The following LRRC4C variants were observed in gnomAD, a reference collection of about 807,000 sequenced individuals.
LRRC4C encodes leucine rich repeat containing 4C.
A neutral mutation model predicts 33.6 loss-of-function variants in LRRC4C; 5 were observed. The observed-to-expected ratio is 0.15, with a 90% CI of 0.08 to 0.31. LRRC4C has a LOEUF of 0.31. Among genes scored for constraint, LRRC4C ranks in the 10% least tolerant of loss-of-function variants. LRRC4C has a pLI of 1.00. For synonymous variants in LRRC4C, 329 were observed against 302.0 expected (o/e 1.09, Z -0.93); for missense variants, 560 against 796.7 (o/e 0.70, Z 3.58).
intron 2 of LRRC4C, among the ~76,000 whole-genome samples, chr11:40,756,334 T>A (rs1169876654): frequency 1.3e-5 from 2 of 152,150 alleles, no homozygotes; most frequent in South Asian, 4.1e-4. Flanking sequence ...CTTAAAGTAT[T>A]CTTTTACATA....
intron 1 of LRRC4C, among the ~76,000 whole-genome samples, chr11:41,226,741 T>TACATACACAC: frequency 7.3e-6 from 1 of 137,156 alleles, no homozygotes; most frequent in African/African-American, 2.8e-5. Context: ...TCCTTACCAT[T>TACATACACAC]ACACACACAC....
At chr11:41,072,617 G>A (rs747933675) in intron 1 of LRRC4C, among the ~76,000 whole-genome samples, 1 of 152,058 alleles carries the variant, frequency 6.6e-6, no homozygotes, top group Non-Finnish European at 1.5e-5. Context: ...AGCCTGTGGA[G>A]CTGTAAGTCA....
rs56712743 is a variant in LRRC4C, at chr11:40,312,539, C to T, written c.-176+7089G>A. Among the ~76,000 whole-genome samples the T allele has an allele frequency of 2.8e-3, 432 of 152,220 alleles. 3 individuals carry two copies. Among genetic ancestry groups the T allele is most frequent in the African/African-American group, 9.9e-3 (411 of 41,532 alleles). On this transcript the variant is annotated intron_variant, in intron 4 of 6. Transcript: ENST00000528697. Reference sequence around the variant, plus strand: ...TGATAAGTAGACTGGGTTAAGTAAACTCCTCCATGAATAGATGTCTTCAAG... The same window carrying T: ...TGATAAGTAGACTGGGTTAAGTAAATTCCTCCATGAATAGATGTCTTCAAG...
chr11:41,336,984 T>C (rs529101695), intron 1 of LRRC4C, among the ~76,000 whole-genome samples: 45 of 152,022 alleles, frequency 3.0e-4, no homozygotes, highest in African/African-American at 1.0e-3. Flanking sequence ...TGACTATTCA[T>C]AGCAGCAGAA....
intron 3 of LRRC4C, among the ~76,000 whole-genome samples, chr11:40,428,483 G>A (rs1428785324): frequency 6.6e-6 from 1 of 152,204 alleles, no homozygotes; most frequent in Non-Finnish European, 1.5e-5. Context: ...GTGATGGTAA[G>A]ATTTCCCATC....
At chr11:40,265,820 G>A (rs992212076) in intron 4 of LRRC4C, among the ~76,000 whole-genome samples, 2 of 152,116 alleles carry the variant, frequency 1.3e-5, no homozygotes, top group African/African-American at 2.4e-5. Flanking sequence ...CTCAATTCAC[G>A]GTGATTTGAG....
intron 3 of LRRC4C, among the ~76,000 whole-genome samples, chr11:40,367,896 T>C (rs918466874): frequency 6.6e-6 from 1 of 152,164 alleles, no homozygotes; most frequent in African/African-American, 2.4e-5. Context: ...TTTGCATATT[T>C]ATATATGTTC....
intron 1 of LRRC4C, among the ~76,000 whole-genome samples, chr11:41,205,525 G>A (rs949547719): frequency 2.0e-5 from 3 of 152,138 alleles, no homozygotes; most frequent in African/African-American, 7.2e-5. Flanking sequence ...ACCAGTGATT[G>A]TAGCTTCTAA....
At chr11:40,299,794 C>A (rs1047417661) in intron 4 of LRRC4C, among the ~76,000 whole-genome samples, 1 of 152,158 alleles carries the variant, frequency 6.6e-6, no homozygotes, top group Non-Finnish European at 1.5e-5. Context: ...ATGCTAATTA[C>A]AATCAATGGT....
intron 1 of LRRC4C, among the ~76,000 whole-genome samples, chr11:41,367,408 A>G (rs897101943): frequency 3.9e-5 from 6 of 152,152 alleles, no homozygotes; most frequent in African/African-American, 1.4e-4. Flanking sequence ...AGTAAGCTCT[A>G]TCTTTAATGG....
chr11:40,195,687 T>C (rs1470049497), intron 5 of LRRC4C, among the ~76,000 whole-genome samples: 1 of 151,728 alleles, frequency 6.6e-6, no homozygotes, highest in Admixed American at 6.6e-5. Context: ...AATTCTAATA[T>C]GTAAAGATTT....
At chr11:41,156,258 C>T (rs1944229038) in intron 1 of LRRC4C, among the ~76,000 whole-genome samples, 1 of 151,910 alleles carries the variant, frequency 6.6e-6, no homozygotes, top group Admixed American at 6.6e-5. Context: ...CAAGGCAAAC[C>T]CACGATATTG....
intron 1 of LRRC4C, among the ~76,000 whole-genome samples, chr11:41,150,583 A>G (rs1943945411): frequency 6.6e-6 from 1 of 152,100 alleles, no homozygotes; most frequent in Admixed American, 6.6e-5. Context: ...CGAGGTAAGG[A>G]GTTTGAGACC....
intron 2 of LRRC4C, among the ~76,000 whole-genome samples, chr11:40,902,879 G>A (rs1490262341): frequency 6.6e-6 from 1 of 152,076 alleles, no homozygotes; most frequent in Non-Finnish European, 1.5e-5. Context: ...AAAATAAGCT[G>A]TCTTTAAAAC....
intron 2 of LRRC4C, among the ~76,000 whole-genome samples, chr11:40,840,847 G>A: frequency 6.6e-6 from 1 of 152,124 alleles, no homozygotes; most frequent in Admixed American, 6.5e-5. Flanking sequence ...TAGTTACTTT[G>A]TTCAACATTA....
chr11:40,490,328 G>A lies in LRRC4C; in HGVS notation c.-270+157814C>T, dbSNP rs1195546442. 2.6e-5 allele frequency among the ~76,000 whole-genome samples: 4 copies of A among 151,974 alleles called. No homozygotes were observed. In the East Asian group the frequency reaches 7.7e-4, roughly 29 times the overall value. ...CCTTTTCACCACTCTTGCACCTAAA[G>A]CCATCACCTTATATTAGTGGACACT... On this transcript the variant is annotated intron_variant, in intron 3 of 6. Transcript: ENST00000528697.
At chr11:41,350,777 T>C (rs1951954252) in intron 1 of LRRC4C, among the ~76,000 whole-genome samples, 1 of 152,152 alleles carries the variant, frequency 6.6e-6, no homozygotes, top group Admixed American at 6.5e-5. Context: ...AAAATGACCA[T>C]TTTAAGAGAG....
intron 1 of LRRC4C, among the ~76,000 whole-genome samples, chr11:41,203,426 C>A (rs946668796): frequency 3.3e-5 from 5 of 152,146 alleles, no homozygotes; most frequent in African/African-American, 1.2e-4. Flanking sequence ...TGAAATTTTT[C>A]TTGGAAGTTA....
Position 41,383,162 on chromosome 11 carries a change from T to C in LRRC4C, c.-496+76269A>G, listed in dbSNP as rs548405925. ...TGCAATTGCTTATCAGAAAAGAATG[T>C]TGGCAAGGCCAGTCATCTGTCCAAT... On this transcript the variant is annotated intron_variant, in intron 1 of 6. Coordinates refer to ENST00000528697, the MANE Select transcript of LRRC4C (RefSeq NM_001258419.2). Among the ~76,000 whole-genome samples the C allele has an allele frequency of 2.9e-4, 44 of 152,212 alleles. 1 individual carries two copies. The South Asian group carries it at 9.1e-3, about 32-fold the overall frequency.
Sources: gnomAD v4.1 joint callset for allele counts (sites outside exome capture counted in the v4.1 genomes callset) on GRCh38, gnomAD v4.1.1 for gene constraint, MANE v1.5 for transcripts, NCBI Gene and HGNC (gene_info 2026-07-23, HGNC 2026-07-21) for gene names.